The following CYRIB variants were observed in gnomAD, a reference collection of about 807,000 sequenced individuals.
CYRIB encodes CYFIP related Rac1 interactor B.
A neutral mutation model predicts 44.2 loss-of-function variants in CYRIB; 8 were observed. That is an observed-to-expected ratio of 0.18 (90% confidence interval 0.11 to 0.33). The LOEUF (loss-of-function observed/expected upper bound fraction) is 0.33. Ranked by LOEUF, CYRIB falls within the 10% of genes least tolerant of loss-of-function variation. CYRIB has a pLI of 1.00. For missense variants in CYRIB, 185 were observed against 382.8 expected (o/e 0.48, Z 4.31); for synonymous variants, 131 against 127.2 (o/e 1.03, Z -0.20).
intron 1 of CYRIB, among the ~76,000 whole-genome samples, chr8:129,986,003 C>T (rs1299105607): frequency 6.6e-6 from 1 of 152,162 alleles, no homozygotes; most frequent in Non-Finnish European, 1.5e-5. Context: ...GGAGTCCTCA[C>T]CCTAAGTGTC....
At chr8:129,992,417 C>A (rs780049516) in intron 1 of CYRIB, among the ~76,000 whole-genome samples, 9 of 152,178 alleles carry the variant, frequency 5.9e-5, no homozygotes, top group Non-Finnish European at 1.0e-4. Flanking sequence ...CAAGAAATGA[C>A]CCTACTGCCA....
chr8:129,976,273 G>A (rs867125356), intron 1 of CYRIB, among the ~76,000 whole-genome samples: 18 of 151,596 alleles, frequency 1.2e-4, no homozygotes, highest in Non-Finnish European at 2.1e-4. Context: ...TTCTAACAAC[G>A]CTTTATTGCT....
At chr8:129,929,855 C>A (rs1246559849) in intron 1 of CYRIB, among the ~76,000 whole-genome samples, 4 of 152,104 alleles carry the variant, frequency 2.6e-5, no homozygotes, top group African/African-American at 9.7e-5. Flanking sequence ...GGTACCGGTA[C>A]CTGTTTAGCC....
At chr8:129,898,696 A>G (rs960899462) in intron 2 of CYRIB, among the ~76,000 whole-genome samples, 11 of 152,136 alleles carry the variant, frequency 7.2e-5, no homozygotes, top group Non-Finnish European at 1.2e-4. Flanking sequence ...ACAAAAACAT[A>G]TTTTTCTTCT....
chr8:129,976,632 C>T (rs897222807), intron 1 of CYRIB, among the ~76,000 whole-genome samples: 1 of 152,160 alleles, frequency 6.6e-6, no homozygotes, highest in Non-Finnish European at 1.5e-5. Flanking sequence ...GAGGCTAATA[C>T]TGCAATTAGT....
In CYRIB at chr8:129,957,998, A is replaced by G. The variant is rs145386108; in HGVS notation, c.-243+12945T>C. Among the ~76,000 whole-genome samples the G allele has an allele frequency of 1.1e-4, 17 of 151,900 alleles. No individual in the cohort carries two copies. The East Asian group carries it at 3.1e-3, about 28-fold the overall frequency. On this transcript the variant is annotated intron_variant, in intron 2 of 14. Coordinates refer to the CYRIB transcript ENST00000401979. ...AAAAAAAAATACAAAAAATACAAAA[A>G]ATTAGCCAAGCTAATTAGCCAAGTG...
exon 10 of CYRIB, chr8:129,849,281 G>A: frequency 6.2e-7 from 1 of 1,610,200 alleles, no homozygotes; most frequent in Non-Finnish European, 8.5e-7. Flanking sequence ...CCCACTGGAT[G>A]TACGTGGTCA....
intron 4 of CYRIB, chr8:129,864,665 G>A (rs970971787): frequency 2.5e-5 from 6 of 240,342 alleles, no homozygotes; most frequent in African/African-American, 7.0e-5. Context: ...GTACTGTGGC[G>A]GCTGAAAATG....
chr8:129,972,383 G>A (rs1162406046), intron 1 of CYRIB, among the ~76,000 whole-genome samples: 1 of 152,068 alleles, frequency 6.6e-6, no homozygotes, highest in African/African-American at 2.4e-5. Context: ...GATCACTTGA[G>A]CCCAGTAATT....
At chr8:129,901,889 C>T (rs1302016119) in intron 2 of CYRIB, 1 of 152,138 alleles carries the variant, frequency 6.6e-6, no homozygotes, top group Non-Finnish European at 1.5e-5. Context: ...ATGTAAGAAG[C>T]ACACATATTA....
Position 129,886,730 on chromosome 8 carries a change from A to G in CYRIB, c.-10-7259T>C, listed in dbSNP as rs75697492. 5.5e-3 allele frequency among the ~76,000 whole-genome samples: 841 copies of G among 152,094 alleles called. 11 individuals carry two copies. The highest frequency in any genetic ancestry group is 0.02 in the African/African-American group (813 of 41,482). On this transcript the variant is annotated intron_variant, in intron 2 of 11. Transcript: ENST00000519824. ...CTCACACCTTACCTTGCCTGCCAGG[A>G]GCATCTGCCCTGACACTCCCCTCAT...
At chr8:129,887,346 T>C (rs2063190463) in intron 2 of CYRIB, among the ~76,000 whole-genome samples, 1 of 152,206 alleles carries the variant, frequency 6.6e-6, no homozygotes, top group Non-Finnish European at 1.5e-5. Context: ...GCAAGAATTG[T>C]TGAGGCTTGG....
intron 1 of CYRIB, among the ~76,000 whole-genome samples, chr8:129,991,876 G>A (rs956794908): frequency 6.7e-6 from 1 of 148,966 alleles, no homozygotes; most frequent in African/African-American, 2.5e-5. Context: ...GCTTGAACCT[G>A]GGAGGCGGAG....
intron 3 of CYRIB, among the ~76,000 whole-genome samples, chr8:129,872,082 G>A (rs567531515): frequency 5.3e-5 from 8 of 152,106 alleles, no homozygotes; most frequent in Non-Finnish European, 1.0e-4. Context: ...GGTTAAAGAA[G>A]AGAGGATATA....
At chr8:129,867,938 T>C (rs1385870734) in intron 4 of CYRIB, among the ~76,000 whole-genome samples, 1 of 152,220 alleles carries the variant, frequency 6.6e-6, no homozygotes, top group Non-Finnish European at 1.5e-5. Flanking sequence ...TTACAATACT[T>C]CTTGCACTAA....
intron 6 of CYRIB, 145 bp from the exon 9 acceptor site, chr8:129,854,488 G>C: frequency 3.4e-6 from 2 of 593,452 alleles, no homozygotes; most frequent in Non-Finnish European, 5.8e-6. Context: ...TATAATCCAA[G>C]GTGGCTTATA....
chr8:129,938,510 C>CA (rs1262232139), intron 1 of CYRIB, among the ~76,000 whole-genome samples: 1 of 152,078 alleles, frequency 6.6e-6, no homozygotes, highest in Non-Finnish European at 1.5e-5. Context: ...ACAGAAGTAG[C>CA]AAAAAACGTG....
chr8:129,987,436 G>A lies in CYRIB; in HGVS notation c.-295-16441C>T, dbSNP rs1374155575. 2.0e-5 allele frequency among the ~76,000 whole-genome samples: 3 copies of A among 152,166 alleles called. No individual in the cohort carries two copies. The East Asian group carries it at 5.8e-4, about 29-fold the overall frequency. On this transcript the variant is annotated intron_variant, in intron 1 of 14. Transcript: ENST00000401979. ...ACTGTGGCTTGTTGATGGCACCTGG[G>A]AGGCTGAGCTAAGTCCCCAAGCCCT...
chr8:129,926,336 C>T (rs298604), intron 1 of CYRIB, among the ~76,000 whole-genome samples: 81,476 of 152,030 alleles, frequency 0.54, 22,440 homozygotes, highest in African/African-American at 0.66. Flanking sequence ...GTTTATCACC[C>T]AATTTAAACA....
Sources: gnomAD v4.1 joint callset for allele counts (sites outside exome capture counted in the v4.1 genomes callset) on GRCh38, gnomAD v4.1.1 for gene constraint, MANE v1.5 for transcripts, NCBI Gene and HGNC (gene_info 2026-07-23, HGNC 2026-07-21) for gene names.